MAGI2: variants seen among roughly 807,000 people sequenced by gnomAD.
MAGI2 encodes membrane-associated guanylate kinase, WW and PDZ domain-containing protein 2.
MAGI2 carries 35 observed loss-of-function variants against 133.3 expected under a neutral mutation model. The observed-to-expected ratio is 0.26, with a 90% CI of 0.20 to 0.35. The LOEUF (loss-of-function observed/expected upper bound fraction) is 0.35, where lower values mean the gene tolerates loss of function less well. MAGI2 is among the 10% of genes least tolerant of loss of function. MAGI2 has a pLI of 1.00. For synonymous variants in MAGI2, 729 were observed against 710.6 expected (o/e 1.03, Z -0.41); for missense variants, 1,636 against 1,863.4 (o/e 0.88, Z 2.25).
chr7:79,312,608 T>C (rs1038127994), intron 1 of MAGI2, among the ~76,000 whole-genome samples: 4 of 152,190 alleles, frequency 2.6e-5, no homozygotes, highest in Non-Finnish European at 5.9e-5. Context: ...ATTCCTCTTG[T>C]TTATTGTCTA....
At chr7:79,156,551 A>G (rs1416288716) in intron 1 of MAGI2, among the ~76,000 whole-genome samples, 4 of 152,150 alleles carry the variant, frequency 2.6e-5, no homozygotes, top group Admixed American at 2.6e-4. Flanking sequence ...CTTTAGACAA[A>G]CTCAACCAAT....
intron 1 of MAGI2, among the ~76,000 whole-genome samples, chr7:79,033,603 G>C (rs942806175): frequency 6.6e-6 from 1 of 152,152 alleles, no homozygotes; most frequent in African/African-American, 2.4e-5. Context: ...ACATTGGCTT[G>C]TTATTAATTT....
intron 1 of MAGI2, among the ~76,000 whole-genome samples, chr7:79,276,267 A>G (rs1835223188): frequency 6.6e-6 from 1 of 152,132 alleles, no homozygotes; most frequent in Non-Finnish European, 1.5e-5. Context: ...TCTAATCCTC[A>G]GGGATGACTT....
At chr7:78,849,722 T>C (rs1183227118) in intron 2 of MAGI2, among the ~76,000 whole-genome samples, 1 of 152,066 alleles carries the variant, frequency 6.6e-6, no homozygotes, top group Non-Finnish European at 1.5e-5. Context: ...GAAACCTCTC[T>C]AAAGATGACG....
intron 5 of MAGI2, 199 bp from the exon 6 acceptor site, chr7:78,490,039 T>A: frequency 2.1e-6 from 1 of 486,356 alleles, no homozygotes; most frequent in African/African-American, 1.9e-5. Flanking sequence ...CAGCTCCCTG[T>A]CCTCAAAGCA....
intron 1 of MAGI2, among the ~76,000 whole-genome samples, chr7:79,392,427 T>C (rs1844728649): frequency 6.6e-6 from 1 of 152,148 alleles, no homozygotes; most frequent in African/African-American, 2.4e-5. Context: ...CCTTGAAGAA[T>C]CACCATGCTG....
chr7:78,178,423 T>A (rs1826868895), intron 13 of MAGI2, among the ~76,000 whole-genome samples: 1 of 152,192 alleles, frequency 6.6e-6, no homozygotes, highest in South Asian at 2.1e-4. Context: ...CAGATTGCCC[T>A]CAAGAAGCTA....
At chr7:78,768,679 A>C (rs989439541) in intron 2 of MAGI2, among the ~76,000 whole-genome samples, 2 of 152,058 alleles carry the variant, frequency 1.3e-5, no homozygotes, top group African/African-American at 4.8e-5. Context: ...TGTGGAGATG[A>C]CTCCATGTCA....
At chr7:78,938,663 G>C (rs367938560) in intron 2 of MAGI2, among the ~76,000 whole-genome samples, 1 of 152,082 alleles carries the variant, frequency 6.6e-6, no homozygotes, top group Non-Finnish European at 1.5e-5. Flanking sequence ...GGGCTACTTA[G>C]ATATCACTTA....
intron 2 of MAGI2, chr7:79,000,142 A>G (rs1013492962): frequency 3.2e-4 from 48 of 152,148 alleles, no homozygotes; most frequent in South Asian, 2.1e-4. Context: ...ACGTGGAGCT[A>G]CAGTTCAACT....
intron 2 of MAGI2, among the ~76,000 whole-genome samples, chr7:78,778,648 C>A (rs963619596): frequency 6.6e-6 from 1 of 152,104 alleles, no homozygotes; most frequent in African/African-American, 2.4e-5. Flanking sequence ...GCTATATACT[C>A]TGACTTCAGT....
chr7:79,247,025 C>A (rs961782595), intron 1 of MAGI2, among the ~76,000 whole-genome samples: 1 of 152,070 alleles, frequency 6.6e-6, no homozygotes, highest in Non-Finnish European at 1.5e-5. Context: ...AAGGAAGAAA[C>A]TTTTATTCTA....
intron 21 of MAGI2, among the ~76,000 whole-genome samples, chr7:78,073,786 C>G (rs1814979163): frequency 6.6e-6 from 1 of 152,196 alleles, no homozygotes; most frequent in Non-Finnish European, 1.5e-5. Context: ...TGCAGTTTTA[C>G]AACCATGATG....
intron 2 of MAGI2, among the ~76,000 whole-genome samples, chr7:78,884,354 C>T (rs1796106563): frequency 6.6e-6 from 1 of 152,024 alleles, no homozygotes; most frequent in African/African-American, 2.4e-5. Flanking sequence ...TGTGCTGGCA[C>T]ATTCCTGTAG....
intron 1 of MAGI2, among the ~76,000 whole-genome samples, chr7:79,020,483 C>A (rs979294011): frequency 1.3e-5 from 2 of 152,012 alleles, no homozygotes; most frequent in African/African-American, 4.8e-5. Flanking sequence ...AAATGAGGAA[C>A]TGGTCAGGCG....
intron 1 of MAGI2, among the ~76,000 whole-genome samples, chr7:79,403,443 T>TA (rs1169679030): frequency 1.3e-5 from 2 of 151,968 alleles, no homozygotes; most frequent in Non-Finnish European, 2.9e-5. Context: ...GCTTTTTTTT[T>TA]AAAAAAGAAA....
At chr7:78,870,993 G>A (rs1794982694) in intron 2 of MAGI2, among the ~76,000 whole-genome samples, 1 of 152,112 alleles carries the variant, frequency 6.6e-6, no homozygotes, top group African/African-American at 2.4e-5. Flanking sequence ...TGGGAGCTAA[G>A]ATATGAGTAC....
At chr7:78,772,345 G>C (rs1825662430) in intron 2 of MAGI2, among the ~76,000 whole-genome samples, 1 of 152,148 alleles carries the variant, frequency 6.6e-6, no homozygotes, top group East Asian at 1.9e-4. Flanking sequence ...TAAATTATTA[G>C]AATGAAGACC....
At chr7:78,405,660 A>G (rs1486861493) in intron 6 of MAGI2, among the ~76,000 whole-genome samples, 6 of 152,106 alleles carry the variant, frequency 3.9e-5, no homozygotes, top group Non-Finnish European at 8.8e-5. Flanking sequence ...TTTTTAAACC[A>G]AAAATATTCT....
Sources: allele counts gnomAD v4.1 joint callset (sites outside exome capture counted in the v4.1 genomes callset), GRCh38; gene constraint gnomAD v4.1.1; transcripts MANE v1.5; gene names NCBI Gene and HGNC (gene_info 2026-07-23, HGNC 2026-07-21).